Variants in SRD5A2 observed in about 807,000 individuals in gnomAD.
SRD5A2 encodes steroid 5 alpha-reductase 2.
Under a neutral mutation model 27.4 loss-of-function variants are expected in SRD5A2, and 30 were observed. That is an observed-to-expected ratio of 1.10 (90% CI 0.82 to 1.49). The LOEUF is 1.49. Among genes scored for constraint, SRD5A2 ranks in the 40% most tolerant of loss-of-function variants. The probability of loss-of-function intolerance (pLI) is 0.00; values close to 1 mark genes in which losing one functional copy is unlikely to be tolerated. For missense variants in SRD5A2, 348 were observed against 323.4 expected (o/e 1.08, Z -0.58); for synonymous variants, 141 against 133.6 (o/e 1.06, Z -0.38).
At chr2:31,532,705 C>T (rs1665937618) in intron 2 of SRD5A2, among the ~76,000 whole-genome samples, 1 of 151,578 alleles carries the variant, frequency 6.6e-6, no homozygotes, top group African/African-American at 2.4e-5. Context: ...CTATTCTCAC[C>T]TTATTTGATT....
chr2:31,559,783 A>G (rs1179894831), intron 1 of SRD5A2, among the ~76,000 whole-genome samples: 1 of 151,878 alleles, frequency 6.6e-6, no homozygotes, highest in Non-Finnish European at 1.5e-5. Flanking sequence ...AAATTTATCT[A>G]TGAACTTTCT....
chr2:31,622,710 T>G, the SRD5A2 span, among the ~76,000 whole-genome samples: 2 of 152,096 alleles, frequency 1.3e-5, no homozygotes, highest in African/African-American at 2.4e-5. Flanking sequence ...AGACCAGCAG[T>G]AAACCACCAT....
intron 1 of SRD5A2, among the ~76,000 whole-genome samples, chr2:31,541,872 C>A (rs761575170): frequency 1.3e-5 from 2 of 152,208 alleles, no homozygotes; most frequent in Non-Finnish European, 1.5e-5. Context: ...AATGCCAACA[C>A]ACACAGGGAG....
rs572305391 is a variant in SRD5A2, at chr2:31,523,372, G to T, written c.*2824C>A. On this transcript the variant is annotated 3_prime_UTR_variant, in exon 5 of 5. Coordinates refer to ENST00000622030, the MANE Select transcript of SRD5A2 (RefSeq NM_000348.4). ...CATGAGCTCTGTAGAAATCCAGATG[G>T]CAGCCCTAAAGGCTGTGCCTTAAGC... The T allele has an allele frequency of 4.7e-6, 1 of 214,082 alleles. No individual in the cohort carries two copies. Among genetic ancestry groups the T allele is most frequent in the African/African-American group, 2.3e-5 (1 of 44,384 alleles). The allele number at this position is 214,082 out of a possible 1,614,324, so 13.3% of individuals were successfully genotyped here.
the SRD5A2 span, among the ~76,000 whole-genome samples, chr2:31,590,988 A>C: frequency 6.6e-6 from 1 of 152,240 alleles, no homozygotes; most frequent in African/African-American, 2.4e-5. Context: ...AAACCCTGGA[A>C]GAAAACCTAG....
the SRD5A2 span, among the ~76,000 whole-genome samples, chr2:31,641,492 C>A: frequency 6.6e-6 from 1 of 152,140 alleles, no homozygotes; most frequent in East Asian, 1.9e-4. Flanking sequence ...AAAGGAAGTT[C>A]TTCAGGCATA....
At position 31,529,412 on chromosome 2, in the gene SRD5A2, A is replaced by T; in HGVS notation, c.593T>A (p.Ile198Asn). The T allele has an allele frequency of 6.2e-7, 1 of 1,613,922 alleles. No homozygotes were observed. The highest frequency in any genetic ancestry group is 2.2e-5 in the East Asian group (1 of 44,878). Reference protein sequence around the residue: ...YVSGANFLGEIIEWIGYALAT... With the variant: ...YVSGANFLGENIEWIGYALAT... ...CAGGGCATAGCCGATCCATTCAATGATCTCACCGAGGAAATTGGCTCCAGA... is the reference window on the plus strand; with the variant it reads ...CAGGGCATAGCCGATCCATTCAATGTTCTCACCGAGGAAATTGGCTCCAGA... The change falls in exon 4 of 5, where the codon ATC becomes AAC. Residue 198 changes from isoleucine to asparagine, a missense_variant. Ile to Asn is a moderately radical substitution (Grantham distance 149). Coordinates refer to ENST00000622030, the MANE Select transcript of SRD5A2 (RefSeq NM_000348.4).
intron 1 of SRD5A2, among the ~76,000 whole-genome samples, chr2:31,554,248 C>T (rs1572644192): frequency 6.6e-6 from 1 of 152,172 alleles, no homozygotes; most frequent in Non-Finnish European, 1.5e-5. Context: ...TTACCTCAAT[C>T]TAGAAGATTG....
chr2:31,660,420 G>A, the SRD5A2 span, among the ~76,000 whole-genome samples: 1 of 152,132 alleles, frequency 6.6e-6, no homozygotes, highest in East Asian at 1.9e-4. Context: ...CACCTCTAGG[G>A]ATACAAAAAC....
rs1462234672 is a variant in SRD5A2, at chr2:31,580,680, G to C, written c.221C>G (p.Ser74Cys). Reference protein sequence around the residue: ...PAGILARQPLSLFGPPGTVLL... With the variant: ...PAGILARQPLCLFGPPGTVLL... ...TACCGTCCCAGGTGGCCCGAAGAGGGAGAGGGGCTGCCGGGCGAGGATCCC... is the reference window on the plus strand; with the variant it reads ...TACCGTCCCAGGTGGCCCGAAGAGGCAGAGGGGCTGCCGGGCGAGGATCCC... Residue 74 changes from serine (S) to cysteine (C), a missense_variant, in exon 1 of 5, where the codon TCC (serine) becomes TGC (cysteine). By Grantham distance (112) the Ser-to-Cys change is moderately radical (BLOSUM62 -1). Coordinates refer to ENST00000622030, the MANE Select transcript of SRD5A2 (RefSeq NM_000348.4). 5.6e-6 allele frequency: 9 copies of C among 1,598,452 alleles called. No homozygotes were observed. The highest frequency in any genetic ancestry group is 6.8e-6 in the Non-Finnish European group (8 of 1,177,802).
intron 1 of SRD5A2, among the ~76,000 whole-genome samples, chr2:31,547,900 TAGATAC>T (rs1346942328): frequency 2.0e-5 from 3 of 152,136 alleles, no homozygotes. Context: ...TATAGTTAGA[TAGATAC>T]AGATATAGAT....
intron 1 of SRD5A2, among the ~76,000 whole-genome samples, chr2:31,556,490 A>G (rs778592694): frequency 6.6e-6 from 1 of 152,242 alleles, no homozygotes; most frequent in African/African-American, 2.4e-5. Context: ...CATCCTGTAT[A>G]ATCCACGTGG....
chr2:31,574,333 G>T (rs891602539), intron 1 of SRD5A2, among the ~76,000 whole-genome samples: 1 of 152,166 alleles, frequency 6.6e-6, no homozygotes, highest in African/African-American at 2.4e-5. Context: ...AGGAGACCAG[G>T]CTTCAAGCTC....
At chr2:31,640,990 AT>A in the SRD5A2 span, among the ~76,000 whole-genome samples, 1 of 152,160 alleles carries the variant, frequency 6.6e-6, no homozygotes, top group Non-Finnish European at 1.5e-5. Context: ...GCTGAGCAGA[AT>A]GTGGGGAAGG....
At chr2:31,580,495 C>T (rs999806016) in intron 1 of SRD5A2, 125 bp downstream of exon 1, 15 of 1,241,098 alleles carry the variant, frequency 1.2e-5, no homozygotes, top group Middle Eastern at 2.8e-4. Flanking sequence ...GGCTGGCCTC[C>T]GCGTTCCTCA....
At chr2:31,565,476 A>T (rs1172423404) in intron 1 of SRD5A2, among the ~76,000 whole-genome samples, 1 of 151,898 alleles carries the variant, frequency 6.6e-6, no homozygotes, top group Admixed American at 6.6e-5. Context: ...CTAAAGACAG[A>T]AACAGATTAA....
rs542796018 is a variant in SRD5A2 at position 31,573,370 on chromosome 2, G to A, written c.281+7250C>T. 4.3e-4 allele frequency among the ~76,000 whole-genome samples: 65 copies of A among 152,274 alleles called. 2 individuals carry two copies. The South Asian group carries it at 0.013, about 31-fold the overall frequency. On this transcript the variant is annotated intron_variant, in intron 1 of 4. Coordinates refer to ENST00000622030, the MANE Select transcript of SRD5A2 (RefSeq NM_000348.4). ...CTAGTTCAGGGGTTTTTAAAATTTA[G>A]AGCTCCTATGTTGAGCTGAGTCTCG... is the stretch of plus-strand genomic sequence containing the variant.
chr2:31,638,651 T>C, the SRD5A2 span, among the ~76,000 whole-genome samples: 8 of 152,192 alleles, frequency 5.3e-5, no homozygotes, highest in East Asian at 1.5e-3. Context: ...TCTTGCTGTA[T>C]TGACCGCTTT....
intron 1 of SRD5A2, among the ~76,000 whole-genome samples, chr2:31,571,015 A>G (rs1156982166): frequency 2.6e-5 from 4 of 152,242 alleles, no homozygotes; most frequent in Admixed American, 2.6e-4. Context: ...GAATTAGAAA[A>G]AAACTATTTT....
Sources: allele counts gnomAD v4.1 joint callset (sites outside exome capture counted in the v4.1 genomes callset), GRCh38; gene constraint gnomAD v4.1.1; transcripts MANE v1.5; gene names NCBI Gene and HGNC (gene_info 2026-07-23, HGNC 2026-07-21).